Variants in MCC observed in about 807,000 individuals in gnomAD.
The protein encoded by MCC is colorectal mutant cancer protein.
MCC carries 90 observed loss-of-function variants against 116.2 expected under a neutral mutation model. The observed-to-expected ratio is 0.77, with a 90% CI of 0.65 to 0.92. The LOEUF is 0.92. Among genes scored for constraint, MCC ranks in the 40% least tolerant of loss-of-function variants. MCC has a pLI of 0.00. For missense variants in MCC, 1,516 were observed against 1,312.2 expected (o/e 1.16, Z -2.40); for synonymous variants, 578 against 510.5 (o/e 1.13, Z -1.78).
intron 11 of MCC, among the ~76,000 whole-genome samples, chr5:113,074,985 G>A (rs1754319468): frequency 6.6e-6 from 1 of 152,254 alleles, no homozygotes; most frequent in Non-Finnish European, 1.5e-5. Flanking sequence ...GCCCACCACT[G>A]CACTGTGGGG....
Position 113,263,110 on chromosome 5 carries a change from TAG to T in MCC, c.627+77407_627+77408del, listed in dbSNP as rs769804239. Among the ~76,000 whole-genome samples the T allele has an allele frequency of 1.8e-4, 27 of 152,330 alleles. 4 individuals are homozygous for T. Among genetic ancestry groups the T allele is most frequent in the Admixed American group, 7.2e-4 (11 of 15,306 alleles). On this transcript the variant is annotated intron_variant, in intron 3 of 18. Transcript: ENST00000408903. ...CAAAAGTCCTCAGTCCTCTACCTTA[TAG>T]AGAGGGAACGTTCAAGACTGGCCCT...
chr5:113,157,758 G>T (rs769517464), intron 3 of MCC, among the ~76,000 whole-genome samples: 5 of 152,208 alleles, frequency 3.3e-5, no homozygotes, highest in African/African-American at 4.8e-5. Context: ...ACCTGCAGTG[G>T]ACGCCTGAAA....
intron 3 of MCC, among the ~76,000 whole-genome samples, chr5:113,276,151 C>T (rs371951362): frequency 2.0e-5 from 3 of 152,018 alleles, no homozygotes; most frequent in East Asian, 3.9e-4. Context: ...CAAGCTGCTG[C>T]CTTCCTCCTT....
chr5:113,410,036 G>A (rs1769939502), intron 1 of MCC, among the ~76,000 whole-genome samples: 1 of 152,168 alleles, frequency 6.6e-6, no homozygotes, highest in Non-Finnish European at 1.5e-5. Context: ...ACTTATGTGT[G>A]TGGATCTGTC....
chr5:113,126,594 C>CT (rs958194132), intron 5 of MCC, among the ~76,000 whole-genome samples: 4 of 151,896 alleles, frequency 2.6e-5, no homozygotes, highest in African/African-American at 7.3e-5. Flanking sequence ...CAAAAACAAA[C>CT]TTTTTTTAAG....
chr5:113,057,090 C>G (rs1268010940), intron 14 of MCC, among the ~76,000 whole-genome samples: 2 of 152,126 alleles, frequency 1.3e-5, no homozygotes, highest in East Asian at 3.9e-4. Context: ...TAAATGCAAT[C>G]TAGGCAGGGA....
Position 113,313,774 on chromosome 5 carries a change from G to T in MCC, c.627+26745C>A, listed in dbSNP as rs1037441429. ...CCCAGGGAGACCTGTATAATAATCT[G>T]CCATTTTCTTTCTCTCTCTCTCTGT... is the stretch of plus-strand genomic sequence containing the variant. On this transcript the variant is annotated intron_variant, in intron 3 of 18. Coordinates refer to ENST00000408903, the MANE Select transcript of MCC (RefSeq NM_001085377.2). Among the ~76,000 whole-genome samples, 3 of 151,256 alleles carry T rather than the reference G, an allele frequency of 2.0e-5. No individual in the cohort carries two copies. The South Asian group carries it at 6.3e-4, about 32-fold the overall frequency.
chr5:113,151,498 A>G (rs1241905044), intron 3 of MCC, 76 bp from the exon 4 acceptor site: 28 of 748,240 alleles, frequency 3.7e-5, no homozygotes, highest in Non-Finnish European at 6.7e-6. Context: ...CGCAACTAGT[A>G]TAACCAAATA....
intron 3 of MCC, among the ~76,000 whole-genome samples, chr5:113,239,651 AG>A (rs1159516839): frequency 2.4e-4 from 36 of 152,216 alleles, no homozygotes; most frequent in African/African-American, 7.7e-4. Context: ...GAGACTTCAA[AG>A]TGCTGCCCAT....
At chr5:113,138,493 A>G (rs968349187) in intron 5 of MCC, among the ~76,000 whole-genome samples, 1 of 152,166 alleles carries the variant, frequency 6.6e-6, no homozygotes, top group African/African-American at 2.4e-5. Context: ...CCTCCATGTG[A>G]GGACACAGTG....
At chr5:113,482,442 T>C (rs1772405027) in intron 1 of MCC, among the ~76,000 whole-genome samples, 2 of 136,386 alleles carry the variant, frequency 1.5e-5, no homozygotes, top group East Asian at 2.2e-4. Flanking sequence ...TTGTTGATTA[T>C]AGTCTTCCTA....
At chr5:113,125,479 T>G (rs940227190) in intron 5 of MCC, among the ~76,000 whole-genome samples, 1 of 152,192 alleles carries the variant, frequency 6.6e-6, no homozygotes, top group Non-Finnish European at 1.5e-5. Flanking sequence ...TGCACCCTGT[T>G]GTGTCTCCCA....
intron 3 of MCC, among the ~76,000 whole-genome samples, chr5:113,200,626 C>G (rs1762633554): frequency 6.6e-6 from 1 of 152,190 alleles, no homozygotes; most frequent in Non-Finnish European, 1.5e-5. Flanking sequence ...ACAGGAAGCC[C>G]CTTCTCCACT....
Position 113,027,496 on chromosome 5 carries a change from A to C in MCC, c.2880-14T>G. Reference sequence around the variant, plus strand: ...GCCACCAGGTTGCTAGGTGGGAATGAAGGGAAATTGGTATTAAGATTCATC... The same window carrying C: ...GCCACCAGGTTGCTAGGTGGGAATGCAGGGAAATTGGTATTAAGATTCATC... On this transcript the variant is annotated splice_polypyrimidine_tract_variant and intron_variant, in intron 18 of 18. Transcript: ENST00000408903. 6.2e-7 allele frequency: 1 copy of C among 1,613,578 alleles called. No homozygotes were observed.
At chr5:113,034,173 T>A (rs1041292231) in intron 17 of MCC, among the ~76,000 whole-genome samples, 2 of 151,840 alleles carry the variant, frequency 1.3e-5, no homozygotes, top group African/African-American at 4.8e-5. Flanking sequence ...ATGCTGAGAT[T>A]ACAGGCCTGA....
intron 1 of MCC, among the ~76,000 whole-genome samples, chr5:113,422,738 C>T (rs541448787): frequency 2.8e-4 from 43 of 152,114 alleles, no homozygotes; most frequent in Non-Finnish European, 4.7e-4. Flanking sequence ...GCTGGAGGAG[C>T]TAGAAGAAAT....
At chr5:113,111,272 A>G (rs1310253928) in intron 6 of MCC, among the ~76,000 whole-genome samples, 1 of 152,072 alleles carries the variant, frequency 6.6e-6, no homozygotes, top group Admixed American at 6.5e-5. Context: ...GAGTTTGTAC[A>G]TTGTCCCCTC....
At chr5:113,484,683 C>A (rs1011449206) in intron 1 of MCC, among the ~76,000 whole-genome samples, 5 of 152,186 alleles carry the variant, frequency 3.3e-5, no homozygotes, top group Non-Finnish European at 5.9e-5. Context: ...AACATTTGAG[C>A]TGAGACTTGG....
chr5:113,355,555 T>G (rs903382753), intron 2 of MCC, among the ~76,000 whole-genome samples: 2 of 152,118 alleles, frequency 1.3e-5, no homozygotes, highest in African/African-American at 4.8e-5. Flanking sequence ...AACAGAAACA[T>G]ATTTTCTTGC....
Sources: allele counts gnomAD v4.1 joint callset (sites outside exome capture counted in the v4.1 genomes callset), GRCh38; gene constraint gnomAD v4.1.1; transcripts MANE v1.5; gene names NCBI Gene and HGNC (gene_info 2026-07-23, HGNC 2026-07-21).